The following AKR1E2 variants were observed in gnomAD, a reference collection of about 807,000 sequenced individuals.
AKR1E2 encodes the protein aldo-keto reductase family 1 member E2.
In AKR1E2, 43 loss-of-function variants were observed where a neutral mutation model predicts 41.9. The ratio of observed to expected loss-of-function variants is 1.03; its 90% CI spans 0.80 to 1.32. The LOEUF (loss-of-function observed/expected upper bound fraction) is 1.32, where lower values mean the gene tolerates loss of function less well. Ranked by LOEUF, AKR1E2 falls within the 40% of genes most tolerant of loss-of-function variation. The pLI is 0.00. For synonymous variants in AKR1E2, 121 were observed against 138.9 expected (o/e 0.87, Z 0.91); for missense variants, 423 against 396.5 (o/e 1.07, Z -0.57).
In AKR1E2 at chr10:4,839,903, C is replaced by T. The variant is rs2290348; in HGVS notation, c.680+77C>T. The T allele has an allele frequency of 0.042, 57,523 of 1,358,650 alleles. 1,543 individuals carry two copies. The highest frequency in any genetic ancestry group is 0.12 in the East Asian group (5,360 of 43,512). 84.2% of individuals were successfully genotyped at this position (1,358,650 alleles called of 1,614,324 possible). ...CCACCTTCTCATTTCCTTGGGATGA[C>T]TGAGGGAGGGCTTAATGGAGGTTTT... On this transcript the variant is annotated intron_variant, in intron 6 of 9. Transcript: ENST00000298375.
At chr10:4,861,542 TA>T in the AKR1E2 span, among the ~76,000 whole-genome samples, 1 of 152,088 alleles carries the variant, frequency 6.6e-6, no homozygotes, top group South Asian at 2.1e-4. Context: ...CTAATTTTTG[TA>T]TTTTTATTAG....
the AKR1E2 span, among the ~76,000 whole-genome samples, chr10:4,870,916 G>A: frequency 6.6e-6 from 1 of 151,986 alleles, no homozygotes; most frequent in Non-Finnish European, 1.5e-5. Flanking sequence ...AGGATTTGAT[G>A]GCATGAACGT....
chr10:4,857,991 T>C, the AKR1E2 span, among the ~76,000 whole-genome samples: 2 of 152,334 alleles, frequency 1.3e-5, no homozygotes, highest in African/African-American at 2.4e-5. Flanking sequence ...ATTTTATATA[T>C]CTCTTCTCTT....
chr10:4,834,357 C>G (rs1400472292), intron 3 of AKR1E2, among the ~76,000 whole-genome samples: 1 of 152,168 alleles, frequency 6.6e-6, no homozygotes. Flanking sequence ...TATCTAGTTT[C>G]CATAAACGAT....
At chr10:4,836,885 A>G (rs935276760) in intron 4 of AKR1E2, among the ~76,000 whole-genome samples, 3 of 152,164 alleles carry the variant, frequency 2.0e-5, no homozygotes, top group South Asian at 2.1e-4. Flanking sequence ...GCACGAAGCT[A>G]TGCTCTTCCT....
At chr10:4,836,573 G>T (rs1833442054) in intron 4 of AKR1E2, among the ~76,000 whole-genome samples, 1 of 152,172 alleles carries the variant, frequency 6.6e-6, no homozygotes, top group Non-Finnish European at 1.5e-5. Context: ...AGCTTGCTGG[G>T]TGAAGCTCTC....
intron 8 of AKR1E2, among the ~76,000 whole-genome samples, chr10:4,844,449 T>C (rs79438275): frequency 0.035 from 5,302 of 151,948 alleles, 150 homozygotes; most frequent in East Asian, 0.11. Context: ...GGGACGGGAG[T>C]GGGTTGCCAG....
At chr10:4,868,985 T>C in the AKR1E2 span, among the ~76,000 whole-genome samples, 1 of 152,148 alleles carries the variant, frequency 6.6e-6, no homozygotes, top group African/African-American at 2.4e-5. Context: ...GAGATATTGT[T>C]CTTAGTTTTA....
chr10:4,872,647 T>A, the AKR1E2 span, among the ~76,000 whole-genome samples: 1 of 152,220 alleles, frequency 6.6e-6, no homozygotes, highest in Non-Finnish European at 1.5e-5. Flanking sequence ...TTTATTATGT[T>A]ATTTATTCAA....
intron 1 of AKR1E2, among the ~76,000 whole-genome samples, chr10:4,828,778 G>A (rs1832742175): frequency 6.6e-6 from 1 of 152,132 alleles, no homozygotes; most frequent in African/African-American, 2.4e-5. Flanking sequence ...AGTTTTTCCT[G>A]AAGAGAATAT....
At chr10:4,844,369 G>A (rs865962491) in intron 8 of AKR1E2, among the ~76,000 whole-genome samples, 15 of 152,228 alleles carry the variant, frequency 9.9e-5, no homozygotes, top group Non-Finnish European at 2.1e-4. Flanking sequence ...AGGCAGTGTG[G>A]ACCCAAAGAG....
chr10:4,864,228 C>T, the AKR1E2 span, among the ~76,000 whole-genome samples: 2 of 152,048 alleles, frequency 1.3e-5, no homozygotes, highest in Non-Finnish European at 1.5e-5. Flanking sequence ...ACTGGCAAAC[C>T]GAATCCAGCA....
chr10:4,845,727 T>C (rs558225237), intron 8 of AKR1E2: 40 of 471,018 alleles, frequency 8.5e-5, no homozygotes, highest in African/African-American at 7.4e-4. Flanking sequence ...CAAAAGTGAA[T>C]GTGACACGGG....
At chr10:4,842,901 C>T (rs1015808182) in intron 8 of AKR1E2, among the ~76,000 whole-genome samples, 1 of 152,094 alleles carries the variant, frequency 6.6e-6, no homozygotes, top group African/African-American at 2.4e-5. Flanking sequence ...GTCACCACCT[C>T]TGTCGCATGG....
At chr10:4,870,012 A>G in the AKR1E2 span, among the ~76,000 whole-genome samples, 4 of 136,368 alleles carry the variant, frequency 2.9e-5, no homozygotes, top group Admixed American at 1.5e-4. Context: ...GTTTTGTGCT[A>G]TTGTTAGGTA....
At chr10:4,838,259 AG>A (rs1833594708) in intron 5 of AKR1E2, among the ~76,000 whole-genome samples, 1 of 152,214 alleles carries the variant, frequency 6.6e-6, no homozygotes, top group African/African-American at 2.4e-5. Context: ...CATTCCCAGC[AG>A]CTGGGATTCA....
chr10:4,826,065 G>A (rs1832458884), upstream of AKR1E2: 1 of 390,742 alleles, frequency 2.6e-6, no homozygotes, highest in Non-Finnish European at 4.5e-6. Context: ...CAGCCATTTG[G>A]GACTCCAGCT....
At chr10:4,854,160 C>T in the AKR1E2 span, among the ~76,000 whole-genome samples, 3 of 144,834 alleles carry the variant, frequency 2.1e-5, no homozygotes, top group Admixed American at 2.1e-4. Context: ...GTGGCACTAT[C>T]TCAACTCACT....
the AKR1E2 span, among the ~76,000 whole-genome samples, chr10:4,863,263 T>C: frequency 2.0e-5 from 3 of 152,176 alleles, no homozygotes; most frequent in Non-Finnish European, 4.4e-5. Context: ...AAACTGTCTC[T>C]CAGACCATAG....
Sources: gnomAD v4.1 joint callset for allele counts (sites outside exome capture counted in the v4.1 genomes callset) on GRCh38, gnomAD v4.1.1 for gene constraint, MANE v1.5 for transcripts, NCBI Gene and HGNC (gene_info 2026-07-23, HGNC 2026-07-21) for gene names.